Variants in HDAC9 observed in about 807,000 individuals in gnomAD.
HDAC9 encodes MEF-2 interacting transcription repressor (MITR) protein.
A neutral mutation model predicts 139.4 loss-of-function variants in HDAC9; 41 were observed. The observed-to-expected ratio is 0.29, with a 90% CI of 0.23 to 0.38. The LOEUF (loss-of-function observed/expected upper bound fraction) is 0.38, where lower values mean the gene tolerates loss of function less well. Among genes scored for constraint, HDAC9 ranks in the 10% least tolerant of loss-of-function variants. The probability of loss-of-function intolerance (pLI) is 1.00; values close to 1 mark genes in which losing one functional copy is unlikely to be tolerated. For missense variants in HDAC9, 1,147 were observed against 1,297.0 expected (o/e 0.88, Z 1.78); for synonymous variants, 517 against 476.2 (o/e 1.09, Z -1.12).
upstream of HDAC9, among the ~76,000 whole-genome samples, chr7:18,494,346 C>T (rs1034552692): frequency 1.3e-5 from 2 of 152,084 alleles, no homozygotes; most frequent in South Asian, 2.1e-4. Context: ...CCCTTGTTTG[C>T]CCCCTCTGAC....
intron 1 of HDAC9, among the ~76,000 whole-genome samples, chr7:18,424,550 T>C (rs1424455622): frequency 6.6e-6 from 1 of 152,208 alleles, no homozygotes; most frequent in African/African-American, 2.4e-5. Flanking sequence ...TTATGGCTAT[T>C]ATGTGATTAT....
At position 18,998,930 on chromosome 7, in the gene HDAC9, G is replaced by T. The variant is rs1260276814; in HGVS notation, c.*2868G>T. 5 of 152,056 alleles carry T rather than the reference G, an allele frequency of 3.3e-5. No individual in the cohort carries two copies. The highest frequency in any genetic ancestry group is 1.2e-4 in the African/African-American group (5 of 41,360). The allele number at this position is 152,056 out of a possible 1,614,324, so 9.4% of individuals were successfully genotyped here. Reference sequence around the variant, plus strand: ...ATTAATTTTCCCAATTGTATAATTTGGGGCTGTATATTAAACTAAAAAACA... The same window carrying T: ...ATTAATTTTCCCAATTGTATAATTTTGGGCTGTATATTAAACTAAAAAACA... On this transcript the variant is annotated 3_prime_UTR_variant, in exon 26 of 26. Transcript: ENST00000686413.
intron 3 of HDAC9, among the ~76,000 whole-genome samples, chr7:18,589,740 A>G (rs1380938455): frequency 6.6e-6 from 1 of 152,150 alleles, no homozygotes; most frequent in Non-Finnish European, 1.5e-5. Flanking sequence ...CTATTTTGAT[A>G]TTTTGAGAGA....
At chr7:18,387,904 C>G (rs547510340) in intron 1 of HDAC9, among the ~76,000 whole-genome samples, 35 of 150,374 alleles carry the variant, frequency 2.3e-4, no homozygotes, top group African/African-American at 8.1e-4. Flanking sequence ...TTTTGTGTGT[C>G]TTAAAGTAGG....
chr7:18,839,280 C>T (rs1365449018), intron 21 of HDAC9, among the ~76,000 whole-genome samples: 3 of 151,912 alleles, frequency 2.0e-5, no homozygotes, highest in African/African-American at 7.2e-5. Context: ...ATATAAGTCA[C>T]GGAACTACTA....
intron 2 of HDAC9, chr7:18,502,640 G>C (rs1798694740): frequency 6.6e-6 from 1 of 152,056 alleles, no homozygotes; most frequent in Non-Finnish European, 1.5e-5. Flanking sequence ...AAATACTAAT[G>C]TAAGTATTTT....
chr7:18,282,918 G>A (rs1797191672), intron 2 of HDAC9, among the ~76,000 whole-genome samples: 1 of 151,760 alleles, frequency 6.6e-6, no homozygotes. Context: ...CATTTGAAAG[G>A]TAATAAATAG....
At chr7:18,828,647 ATTTCT>A (rs1353826138) in intron 17 of HDAC9, among the ~76,000 whole-genome samples, 1 of 151,972 alleles carries the variant, frequency 6.6e-6, no homozygotes, top group Non-Finnish European at 1.5e-5. Flanking sequence ...CCTTTCTGGG[ATTTCT>A]TTTGTGTCTA....
intron 21 of HDAC9, among the ~76,000 whole-genome samples, chr7:18,842,069 C>T (rs953945491): frequency 1.3e-5 from 2 of 151,996 alleles, no homozygotes; most frequent in African/African-American, 2.4e-5. Flanking sequence ...AGCATGATTT[C>T]GTTGTCATCT....
At position 18,982,798 on chromosome 7, in the gene HDAC9, C is replaced by G. The variant is rs140717998; in HGVS notation, c.3170+6845C>G. On this transcript the variant is annotated intron_variant, in intron 25 of 25. Coordinates refer to ENST00000686413, the MANE Select transcript of HDAC9 (RefSeq NM_178425.4). ...GCATGTTTTTGAGATCTATTTATGC[C>G]ATTGACAATCCGGAGTTTCTTCATT... is the stretch of plus-strand genomic sequence containing the variant. Among the ~76,000 whole-genome samples, 1,330 of 152,168 alleles carry G rather than the reference C, an allele frequency of 8.7e-3. 21 individuals carry two copies. The highest frequency in any genetic ancestry group is 0.031 in the African/African-American group (1,276 of 41,516).
At chr7:18,594,203 C>T (rs1375665565) in intron 6 of HDAC9, among the ~76,000 whole-genome samples, 174 bp downstream of exon 6, 1 of 152,068 alleles carries the variant, frequency 6.6e-6, no homozygotes, top group African/African-American at 2.4e-5. Context: ...ATTTCTGCAT[C>T]AGTTGATTCA....
At chr7:18,253,433 A>G (rs984898589) in intron 2 of HDAC9, among the ~76,000 whole-genome samples, 11 of 152,124 alleles carry the variant, frequency 7.2e-5, no homozygotes, top group Admixed American at 7.2e-4. Context: ...TTAACTTTTT[A>G]TAATAGCCAT....
At chr7:18,245,066 G>A (rs1794437242) in intron 2 of HDAC9, among the ~76,000 whole-genome samples, 1 of 145,510 alleles carries the variant, frequency 6.9e-6, no homozygotes, top group African/African-American at 2.5e-5. Flanking sequence ...AATGGAGGAG[G>A]GATGGAACTC....
intron 21 of HDAC9, among the ~76,000 whole-genome samples, chr7:18,855,963 T>C (rs1383384088): frequency 6.6e-6 from 1 of 152,146 alleles, no homozygotes; most frequent in Non-Finnish European, 1.5e-5. Context: ...TCTAATGACC[T>C]TGACTCTGCA....
At chr7:18,624,218 C>T (rs1841017997) in intron 6 of HDAC9, among the ~76,000 whole-genome samples, 1 of 152,050 alleles carries the variant, frequency 6.6e-6, no homozygotes. Context: ...TACCTGCCAC[C>T]CTAAGTTTAT....
chr7:18,541,448 A>C (rs1026654788), intron 2 of HDAC9, among the ~76,000 whole-genome samples: 1 of 152,136 alleles, frequency 6.6e-6, no homozygotes, highest in Non-Finnish European at 1.5e-5. Context: ...AGGGGCTCCC[A>C]AGCTAATGAC....
intron 21 of HDAC9, among the ~76,000 whole-genome samples, chr7:18,872,306 T>C (rs2129244341): frequency 6.6e-6 from 1 of 152,234 alleles, no homozygotes; most frequent in Non-Finnish European, 1.5e-5. Context: ...GAAAAGACAT[T>C]GTGTTTGTGA....
At chr7:18,267,399 CCTAT>C (rs371654802) in intron 2 of HDAC9, among the ~76,000 whole-genome samples, 2 of 152,050 alleles carry the variant, frequency 1.3e-5, no homozygotes, top group African/African-American at 4.8e-5. Flanking sequence ...ACTTATTCCT[CCTAT>C]CTAACCGAAA....
In HDAC9 at chr7:18,115,077, G is replaced by A. The variant is rs1351245098; in HGVS notation, c.-97+27864G>A. ...GAGGCCAACGTGGGAGGATCACAAG[G>A]TCAGGAGATCGAGACCATCGTGGCT... On this transcript the variant is annotated intron_variant, in intron 1 of 12. Coordinates refer to the HDAC9 transcript ENST00000417496. Among the ~76,000 whole-genome samples, 12 of 152,286 alleles carry A rather than the reference G, an allele frequency of 7.9e-5. No individual in the cohort carries two copies. The East Asian group carries it at 2.3e-3, about 29-fold the overall frequency.
Sources: gnomAD v4.1 joint callset for allele counts (sites outside exome capture counted in the v4.1 genomes callset) on GRCh38, gnomAD v4.1.1 for gene constraint, MANE v1.5 for transcripts, NCBI Gene and HGNC (gene_info 2026-07-23, HGNC 2026-07-21) for gene names.